The following PXDNL variants were observed in gnomAD, a reference collection of about 807,000 sequenced individuals.
PXDNL encodes the protein peroxidasin like, also known as probable oxidoreductase PXDNL.
In PXDNL, 145 loss-of-function variants were observed where a neutral mutation model predicts 150.8. The observed-to-expected ratio is 0.96, with a 90% CI of 0.84 to 1.10. The LOEUF is 1.10. PXDNL is among the 50% of genes least tolerant of loss of function. PXDNL has a pLI of 0.00. For synonymous variants in PXDNL, 757 were observed against 725.7 expected (o/e 1.04, Z -0.69); for missense variants, 2,087 against 1,873.9 (o/e 1.11, Z -2.10).
chr8:51,737,848 G>A (rs892558247), intron 1 of PXDNL, among the ~76,000 whole-genome samples: 1 of 151,870 alleles, frequency 6.6e-6, no homozygotes, highest in Non-Finnish European at 1.5e-5. Context: ...ATGTAGATGG[G>A]ATTAAGATTC....
chr8:51,488,909 C>T (rs1483229802), intron 5 of PXDNL, among the ~76,000 whole-genome samples: 1 of 152,120 alleles, frequency 6.6e-6, no homozygotes, highest in East Asian at 1.9e-4. Context: ...ACAATTATTA[C>T]ATGTACTCAG....
At chr8:51,350,198 T>A (rs1041286206) in intron 19 of PXDNL, among the ~76,000 whole-genome samples, 4 of 152,026 alleles carry the variant, frequency 2.6e-5, no homozygotes, top group African/African-American at 7.2e-5. Context: ...GGTCTCTGGT[T>A]TGGGACGGAA....
chr8:51,702,679 C>T (rs1816281260), intron 1 of PXDNL, among the ~76,000 whole-genome samples: 1 of 152,136 alleles, frequency 6.6e-6, no homozygotes, highest in Non-Finnish European at 1.5e-5. Context: ...GTACCTATGG[C>T]ATTCCACTGA....
rs145011913 is a variant in PXDNL at position 51,546,812 on chromosome 8, C to T, written c.380+10028G>A. ...ATAAACTCAGTGCAGATGGGCGGGG[C>T]ACAGCAGGAGTGAGACTGGCCTTGC... On this transcript the variant is annotated intron_variant, in intron 4 of 22. Coordinates refer to ENST00000356297, the MANE Select transcript of PXDNL (RefSeq NM_144651.5). 8.3e-3 allele frequency among the ~76,000 whole-genome samples: 1,260 copies of T among 152,230 alleles called. 8 individuals are homozygous for T. Among genetic ancestry groups the T allele is most frequent in the Admixed American group, 0.016 (250 of 15,290 alleles).
rs1358084472 is a variant in PXDNL at position 51,499,722 on chromosome 8, T to C, written c.429A>G (p.Gly143=). The C allele has an allele frequency of 3.1e-6, 5 of 1,613,268 alleles. No individual in the cohort carries two copies. Among genetic ancestry groups the C allele is most frequent in the Non-Finnish European group, 4.2e-6 (5 of 1,179,382 alleles). Residue 143 remains glycine, a synonymous_variant, in exon 5 of 23, where the codon GGA becomes GGG. Coordinates refer to ENST00000356297, the MANE Select transcript of PXDNL (RefSeq NM_144651.5). The stretch of plus-strand genomic sequence containing the variant: ...ACAGTCGCTCTAATCTCAGAAGGTC[T>C]CCAAAGGTCTCTGGCTGTAGCATTT... ...QLEMLQPETF[G]DLLRLERLFL...
chr8:51,655,193 CTTAA>C (rs1272996408), intron 1 of PXDNL, among the ~76,000 whole-genome samples: 1 of 152,184 alleles, frequency 6.6e-6, no homozygotes, highest in Non-Finnish European at 1.5e-5. Flanking sequence ...TTATTAATTA[CTTAA>C]TTTTTCTTCA....
chr8:51,744,063 AAGGAAGGAAGGAAGGAAG>A (rs1563307099), intron 1 of PXDNL, among the ~76,000 whole-genome samples: 1,218 of 75,970 alleles, frequency 0.016, 69 homozygotes, highest in Admixed American at 0.03. Flanking sequence ...GGAAGGAAGG[AAGGAAGGAAGGAAGGAAG>A]GAAGGAAGGA....
chr8:51,636,859 T>G (rs1814614051), intron 2 of PXDNL, among the ~76,000 whole-genome samples: 1 of 151,884 alleles, frequency 6.6e-6, no homozygotes, highest in Non-Finnish European at 1.5e-5. Flanking sequence ...TCTCCCAGCA[T>G]GGAGTGTGAG....
At chr8:51,345,155 A>T (rs1167188375) in intron 20 of PXDNL, among the ~76,000 whole-genome samples, 1 of 152,224 alleles carries the variant, frequency 6.6e-6, no homozygotes, top group Non-Finnish European at 1.5e-5. Flanking sequence ...TGCAATGTTT[A>T]TTTTGGTAAC....
intron 3 of PXDNL, among the ~76,000 whole-genome samples, chr8:51,581,039 C>A (rs1813200477): frequency 6.6e-6 from 1 of 152,020 alleles, no homozygotes; most frequent in Admixed American, 6.6e-5. Flanking sequence ...AGGCAACAGG[C>A]AGAAAGGTGG....
intron 4 of PXDNL, among the ~76,000 whole-genome samples, chr8:51,536,420 C>T (rs185663215): frequency 9.4e-4 from 143 of 152,200 alleles, no homozygotes; most frequent in South Asian, 2.5e-3. Flanking sequence ...AGTAGCTAAA[C>T]GGGAATGTTG....
chr8:51,638,265 A>C (rs549364223), intron 2 of PXDNL, among the ~76,000 whole-genome samples: 1 of 152,212 alleles, frequency 6.6e-6, no homozygotes, highest in African/African-American at 2.4e-5. Context: ...TGTAAAGACC[A>C]TCGAGGCTAG....
intron 12 of PXDNL, among the ~76,000 whole-genome samples, chr8:51,431,337 C>T (rs915364131): frequency 4.6e-5 from 7 of 152,186 alleles, no homozygotes; most frequent in African/African-American, 1.7e-4. Flanking sequence ...TTACTGTTTC[C>T]CTCTTCACTT....
chr8:51,628,867 C>T (rs1002081906), intron 2 of PXDNL, among the ~76,000 whole-genome samples: 2 of 151,940 alleles, frequency 1.3e-5, no homozygotes, highest in African/African-American at 4.8e-5. Flanking sequence ...CAGCAAACAG[C>T]TACAGACCAT....
intron 4 of PXDNL, among the ~76,000 whole-genome samples, chr8:51,544,265 G>A (rs10106944): frequency 0.2 from 29,764 of 152,048 alleles, 3,570 homozygotes; most frequent in African/African-American, 0.32. Context: ...TGAAGTGCAG[G>A]TATGAACACA....
In PXDNL at chr8:51,706,005, C is replaced by T. The variant is rs191780379; in HGVS notation, c.165-51245G>A. On this transcript the variant is annotated intron_variant, in intron 1 of 22. Coordinates refer to ENST00000356297, the MANE Select transcript of PXDNL (RefSeq NM_144651.5). ...AATTTTCCAAAACTGACAGAAGGCA[C>T]GAAGATGAAAATAGCTAAGACTTGG... 3.4e-3 allele frequency among the ~76,000 whole-genome samples: 517 copies of T among 152,188 alleles called. 2 individuals carry two copies. The highest frequency in any genetic ancestry group is 6.5e-3 in the Non-Finnish European group (441 of 67,998).
intron 1 of PXDNL, among the ~76,000 whole-genome samples, chr8:51,761,984 T>C (rs1237201715): frequency 2.6e-5 from 4 of 152,184 alleles, no homozygotes; most frequent in Non-Finnish European, 1.5e-5. Flanking sequence ...ACAGAGAACA[T>C]GGGAAATAAA....
At chr8:51,475,937 C>A (rs538553746) in intron 6 of PXDNL, among the ~76,000 whole-genome samples, 16 of 152,160 alleles carry the variant, frequency 1.1e-4, no homozygotes, top group African/African-American at 3.1e-4. Context: ...GCTGTGTCTA[C>A]AATTTTTTAG....
At chr8:51,750,418 G>T (rs1331372679) in intron 1 of PXDNL, among the ~76,000 whole-genome samples, 1 of 152,066 alleles carries the variant, frequency 6.6e-6, no homozygotes, top group Non-Finnish European at 1.5e-5. Context: ...TCCTGAGTAG[G>T]TTCATTTATA....
Sources: gnomAD v4.1 joint callset for allele counts (sites outside exome capture counted in the v4.1 genomes callset) on GRCh38, gnomAD v4.1.1 for gene constraint, MANE v1.5 for transcripts, NCBI Gene and HGNC (gene_info 2026-07-23, HGNC 2026-07-21) for gene names.